BRWD3: variants seen among roughly 807,000 people sequenced by gnomAD.
The protein encoded by BRWD3 is bromodomain and WD repeat domain containing 3, also known as bromodomain and WD repeat-containing protein 3.
BRWD3 carries 10 observed loss-of-function variants against 149.7 expected under a neutral mutation model. The ratio of observed to expected loss-of-function variants is 0.07; its 90% confidence interval spans 0.04 to 0.11. The LOEUF (loss-of-function observed/expected upper bound fraction) is 0.11. Among genes scored for constraint, BRWD3 ranks in the 10% least tolerant of loss-of-function variants. The pLI is 1.00. For synonymous variants in BRWD3, 504 were observed against 456.7 expected (o/e 1.10, Z -1.32); for missense variants, 940 against 1,373.2 (o/e 0.68, Z 4.99).
intron 40 of BRWD3, among the ~76,000 whole-genome samples, chrX:80,680,883 A>G (rs924703741): frequency 9.2e-6 from 1 of 109,281 alleles, no homozygotes; most frequent in South Asian, 4.0e-4. Context: ...ATCACAGCTC[A>G]CTGTAGTCTC....
chrX:80,701,458 G>A (rs772273224), intron 24 of BRWD3, among the ~76,000 whole-genome samples: 1 of 102,934 alleles, frequency 9.7e-6, no homozygotes, highest in East Asian at 3.1e-4. Flanking sequence ...TGAGGCAGGA[G>A]GATCGCTTTG....
chrX:80,771,768 C>G (rs1164812383), intron 6 of BRWD3, among the ~76,000 whole-genome samples: 2 of 111,688 alleles, frequency 1.8e-5, no homozygotes, highest in Admixed American at 1.9e-4. Context: ...AACAAATTTA[C>G]AAGAGAAAAA....
chrX:80,744,281 A>G, intron 7 of BRWD3, 28 bp from the exon 8 acceptor site: 1 of 1,038,764 alleles, frequency 9.6e-7, no homozygotes, highest in Non-Finnish European at 1.3e-6. Context: ...CAATAGGTTT[A>G]TAATGAAGCA....
At chrX:80,806,725 A>C (rs1314542045) in intron 4 of BRWD3, among the ~76,000 whole-genome samples, 3 of 112,398 alleles carry the variant, frequency 2.7e-5, no homozygotes, top group African/African-American at 9.7e-5. Context: ...AATACAACTG[A>C]ATTTTTTCTT....
chrX:80,684,083 G>A lies in BRWD3; in HGVS notation c.4160C>T (p.Pro1387Leu). 1 of 1,205,351 alleles carries A rather than the reference G, an allele frequency of 8.3e-7. No homozygotes were observed. Among genetic ancestry groups the A allele is most frequent in the Non-Finnish European group, 1.1e-6 (1 of 890,175 alleles). ...ETLEAGNYGS[P>L]LEFYKDVRQI... ...GCGAACATCCTTATAAAATTCCAGA[G>A]GACTACCATAGTTTCCTGCTTCCAA... Residue 1387 changes from proline to leucine, a missense_variant, in exon 37 of 41, where the codon CCT becomes CTT. By Grantham distance (98) the Pro-to-Leu change is moderately conservative. Around this residue, in one of 6 missense-constraint regions of BRWD3, gnomAD observed 349 missense variants for 419.6 expected, o/e 0.83. Transcript: ENST00000373275.
At chrX:80,716,625 C>T (rs980028382) in intron 19 of BRWD3, among the ~76,000 whole-genome samples, 1 of 112,013 alleles carries the variant, frequency 8.9e-6, no homozygotes, top group African/African-American at 3.2e-5. Flanking sequence ...GCATGTTTAT[C>T]CACGTTGTAG....
chrX:80,763,399 A>G (rs1375854698), intron 6 of BRWD3, among the ~76,000 whole-genome samples: 3 of 111,800 alleles, frequency 2.7e-5, no homozygotes, highest in Non-Finnish European at 5.6e-5. Flanking sequence ...AGTGACTACA[A>G]CAGATTTCAT....
intron 20 of BRWD3, among the ~76,000 whole-genome samples, chrX:80,713,553 C>A (rs764849328): frequency 5.5e-5 from 6 of 109,627 alleles, no homozygotes; most frequent in African/African-American, 1.7e-4. Context: ...ACAAACACTG[C>A]GGAAGGCCGC....
chrX:80,760,619 T>C (rs1013960255), intron 6 of BRWD3, among the ~76,000 whole-genome samples: 2 of 111,799 alleles, frequency 1.8e-5, no homozygotes, highest in African/African-American at 3.2e-5. Flanking sequence ...ATATGAAATA[T>C]TGTAACCCAA....
intron 13 of BRWD3, among the ~76,000 whole-genome samples, chrX:80,729,336 T>C (rs752573256): frequency 7.2e-5 from 8 of 111,572 alleles, no homozygotes; most frequent in African/African-American, 1.9e-4. Context: ...AATATGACAT[T>C]ATCAATGGGC....
At chrX:80,682,658 C>T in intron 37 of BRWD3, 30 bp from the exon 38 acceptor site, 4 of 1,180,601 alleles carry the variant, frequency 3.4e-6, no homozygotes, top group Non-Finnish European at 1.1e-6. Context: ...ATAGTCTTAA[C>T]TAGTTTTATA....
At chrX:80,799,927 A>C (rs1460548045) in intron 4 of BRWD3, among the ~76,000 whole-genome samples, 1 of 111,629 alleles carries the variant, frequency 9.0e-6, no homozygotes, top group Non-Finnish European at 1.9e-5. Flanking sequence ...CATTTAAAGT[A>C]TAGGAAAGCA....
At chrX:80,807,889 G>A (rs1192497684) in intron 4 of BRWD3, among the ~76,000 whole-genome samples, 2 of 111,542 alleles carry the variant, frequency 1.8e-5, no homozygotes, top group Non-Finnish European at 3.8e-5. Context: ...AATTGAATGA[G>A]CTTATAAAAT....
chrX:80,681,819 T>C (rs942196634), intron 39 of BRWD3, among the ~76,000 whole-genome samples, 178 bp downstream of exon 39: 1 of 111,913 alleles, frequency 8.9e-6, no homozygotes, highest in Non-Finnish European at 1.9e-5. Flanking sequence ...AAAGGAATCA[T>C]ATGGCCTAAT....
intron 14 of BRWD3, among the ~76,000 whole-genome samples, chrX:80,725,966 A>G (rs775753906): frequency 9.2e-6 from 1 of 108,829 alleles, no homozygotes; most frequent in Non-Finnish European, 1.9e-5. Context: ...AACACATAAC[A>G]TGTTTACATG....
rs957439454 is a variant in BRWD3 at position 80,793,720 on chromosome X, C to T, written c.233G>A (p.Arg78Lys). The change falls in exon 5 of 41, where the codon AGA (arginine) becomes AAA (lysine). Residue 78 changes from arginine (R) to lysine (K), a missense_variant. Around this residue, in one of 6 missense-constraint regions of BRWD3, gnomAD observed 105 missense variants for 127.7 expected, o/e 0.82. Coordinates refer to ENST00000373275, the MANE Select transcript of BRWD3 (RefSeq NM_153252.5). ...CTCTTTATCTAGTAAAGGACCAATT[C>T]TCTCACAAATTTTAAGGAGGTAGTC... ...PPDYLLKICE[R>K]IGPLLDKEIP... is the part of the protein sequence containing the mutation. The T allele has an allele frequency of 8.3e-7, 1 of 1,208,203 alleles. No individual in the cohort carries two copies. The highest frequency in any genetic ancestry group is 3.0e-5 in the East Asian group (1 of 33,837).
At chrX:80,805,497 A>G (rs899799527) in intron 4 of BRWD3, among the ~76,000 whole-genome samples, 2 of 111,466 alleles carry the variant, frequency 1.8e-5, no homozygotes, top group African/African-American at 3.3e-5. Flanking sequence ...ATACACCTTA[A>G]GTTTGTAATG....
At chrX:80,750,482 A>T (rs1326753003) in intron 6 of BRWD3, among the ~76,000 whole-genome samples, 5 of 111,563 alleles carry the variant, frequency 4.5e-5, no homozygotes, top group African/African-American at 1.6e-4. Context: ...AAAATGCTCA[A>T]CATCTCCAGT....
At chrX:80,781,783 C>T (rs1357325229) in intron 6 of BRWD3, among the ~76,000 whole-genome samples, 3 of 110,571 alleles carry the variant, frequency 2.7e-5, no homozygotes, top group Non-Finnish European at 5.7e-5. Context: ...AAATAAAATA[C>T]CTAGGAATAA....
Sources: gnomAD v4.1 joint callset for allele counts (sites outside exome capture counted in the v4.1 genomes callset) on GRCh38, gnomAD v4.1.1 for gene constraint, gnomAD v4.1.1 regional missense constraint, MANE v1.5 for transcripts, NCBI Gene and HGNC (gene_info 2026-07-23, HGNC 2026-07-21) for gene names.